PRIM2: variants seen among roughly 807,000 people sequenced by gnomAD.
PRIM2 encodes DNA primase large subunit.
In PRIM2, 39 loss-of-function variants were observed where a neutral mutation model predicts 67.3. The ratio of observed to expected loss-of-function variants is 0.58; its 90% confidence interval spans 0.45 to 0.76. PRIM2 has a LOEUF of 0.76. PRIM2 is among the 30% of genes least tolerant of loss of function. The probability of loss-of-function intolerance (pLI) is 0.00; values close to 1 mark genes in which losing one functional copy is unlikely to be tolerated. For synonymous variants in PRIM2, 143 were observed against 198.7 expected (o/e 0.72, Z 2.36); for missense variants, 398 against 598.7 (o/e 0.66, Z 3.50).
At chr6:57,318,624 T>A in intron 2 of PRIM2, 25 bp downstream of exon 2, 1 of 1,514,934 alleles carries the variant, frequency 6.6e-7, no homozygotes, top group Non-Finnish European at 9.0e-7. Flanking sequence ...AATTAGAATG[T>A]ATATATTCTT....
At chr6:57,449,202 T>A (rs1429496405) in intron 7 of PRIM2, among the ~76,000 whole-genome samples, 1 of 152,190 alleles carries the variant, frequency 6.6e-6, no homozygotes, top group Non-Finnish European at 1.5e-5. Context: ...AAAGGGTTGC[T>A]ATACATGTAA....
At chr6:57,586,382 G>C (rs1368054797) in intron 10 of PRIM2, among the ~76,000 whole-genome samples, 2 of 152,086 alleles carry the variant, frequency 1.3e-5, no homozygotes, top group Non-Finnish European at 2.9e-5. Context: ...GCTGAGAGGG[G>C]AAGTGGGGAC....
upstream of PRIM2, among the ~76,000 whole-genome samples, chr6:57,310,479 C>T (rs1359893744): frequency 6.6e-6 from 1 of 152,258 alleles, no homozygotes; most frequent in African/African-American, 2.4e-5. Flanking sequence ...ACAATCTGAT[C>T]TCTCTTTCTT....
intron 8 of PRIM2, among the ~76,000 whole-genome samples, chr6:57,521,306 A>G (rs1774613883): frequency 1.3e-5 from 2 of 150,584 alleles, no homozygotes; most frequent in African/African-American, 4.9e-5. Context: ...CCACCCAACA[A>G]ATCCAAAGTG....
the PRIM2 span, among the ~76,000 whole-genome samples, chr6:57,240,034 GA>G: frequency 6.7e-6 from 1 of 149,680 alleles, no homozygotes; most frequent in African/African-American, 2.5e-5. Context: ...GTACTCCAAA[GA>G]AGAGATATAA....
chr6:57,373,790 G>A (rs867320009), intron 5 of PRIM2, among the ~76,000 whole-genome samples: 3 of 152,044 alleles, frequency 2.0e-5, no homozygotes, highest in African/African-American at 4.8e-5. Context: ...TCTCTAATCT[G>A]TTCCATTGGT....
intron 10 of PRIM2, among the ~76,000 whole-genome samples, chr6:57,572,820 A>T (rs1301816647): frequency 1.3e-5 from 2 of 152,248 alleles, no homozygotes; most frequent in Non-Finnish European, 2.9e-5. Context: ...ATTTGGTATT[A>T]TAAGGTAAAA....
At chr6:57,252,533 C>T in the PRIM2 span, among the ~76,000 whole-genome samples, 5 of 152,282 alleles carry the variant, frequency 3.3e-5, no homozygotes, top group East Asian at 1.9e-4. Context: ...CTCTGCCTCC[C>T]GGGTTCAAGG....
chr6:57,501,638 T>C (rs1774134192), intron 7 of PRIM2, among the ~76,000 whole-genome samples: 1 of 152,158 alleles, frequency 6.6e-6, no homozygotes, highest in Non-Finnish European at 1.5e-5. Flanking sequence ...CCTTTTTATG[T>C]GGGGTGTTTT....
intron 7 of PRIM2, among the ~76,000 whole-genome samples, chr6:57,431,933 G>A (rs1159580257): frequency 6.6e-6 from 1 of 152,140 alleles, no homozygotes; most frequent in African/African-American, 2.4e-5. Context: ...ATGGGTAGTT[G>A]TGGCTGAAAG....
rs1192553954 is a variant in PRIM2 at position 57,486,375 on chromosome 6, C to T, written c.694-21012C>T. ...TTTTCACAAAACAATTTGCAACCTA[C>T]GGCATGAATGGGTTAAGAGACTTAT... On this transcript the variant is annotated intron_variant, in intron 7 of 13. Transcript: ENST00000615550. 5.3e-5 allele frequency among the ~76,000 whole-genome samples: 8 copies of T among 152,310 alleles called. No homozygotes were observed. In the South Asian group the frequency reaches 6.2e-4, roughly 12 times the overall value.
intron 7 of PRIM2, among the ~76,000 whole-genome samples, chr6:57,458,570 A>T (rs1242396725): frequency 3.1e-4 from 47 of 152,206 alleles, no homozygotes; most frequent in Non-Finnish European, 6.3e-4. Context: ...CTGTAATCCC[A>T]GCTACTCTGG....
chr6:57,457,246 T>G (rs1435827962), intron 7 of PRIM2, among the ~76,000 whole-genome samples: 2 of 152,202 alleles, frequency 1.3e-5, no homozygotes, highest in Non-Finnish European at 2.9e-5. Flanking sequence ...GGGACCCACT[T>G]GAGTAGGCAG....
intron 5 of PRIM2, among the ~76,000 whole-genome samples, chr6:57,359,099 A>G (rs910841952): frequency 1.3e-5 from 2 of 152,266 alleles, no homozygotes; most frequent in Non-Finnish European, 2.9e-5. Flanking sequence ...CTAACTCCTC[A>G]TTCTTCCCCT....
At chr6:57,451,527 C>T (rs1772549972) in intron 7 of PRIM2, among the ~76,000 whole-genome samples, 1 of 152,118 alleles carries the variant, frequency 6.6e-6, no homozygotes, top group African/African-American at 2.4e-5. Flanking sequence ...GAAGAATTGA[C>T]TTAGAACATT....
intron 12 of PRIM2, among the ~76,000 whole-genome samples, chr6:57,617,923 A>G (rs1389650870): frequency 8.5e-5 from 13 of 152,198 alleles, no homozygotes; most frequent in Non-Finnish European, 1.8e-4. Context: ...TGTAGATGGT[A>G]TGATGTAGGG....
At chr6:57,309,233 G>A in the PRIM2 span, among the ~76,000 whole-genome samples, 1 of 150,110 alleles carries the variant, frequency 6.7e-6, no homozygotes, top group Non-Finnish European at 1.5e-5. Flanking sequence ...CTGGTGCACT[G>A]CACCCACTAA....
chr6:57,551,732 A>G (rs2127475180), intron 10 of PRIM2, among the ~76,000 whole-genome samples: 1 of 152,334 alleles, frequency 6.6e-6, no homozygotes, highest in African/African-American at 2.4e-5. Context: ...GTAAACAAGT[A>G]AGTGAATTAT....
At chr6:57,436,097 C>T (rs1294411084) in intron 7 of PRIM2, among the ~76,000 whole-genome samples, 1 of 152,040 alleles carries the variant, frequency 6.6e-6, no homozygotes, top group Non-Finnish European at 1.5e-5. Context: ...GTTCTGTTAC[C>T]GTCTTCTCTT....
Sources: allele counts gnomAD v4.1 joint callset (sites outside exome capture counted in the v4.1 genomes callset), GRCh38; gene constraint gnomAD v4.1.1; transcripts MANE v1.5; gene names NCBI Gene and HGNC (gene_info 2026-07-23, HGNC 2026-07-21).